DNAH9: variants seen among roughly 807,000 people sequenced by gnomAD.
The protein encoded by DNAH9 is DNAH9 variant protein.
Under a neutral mutation model 471.6 loss-of-function variants are expected in DNAH9, and 345 were observed. That is an observed-to-expected ratio of 0.73 (90% CI 0.67 to 0.80). The LOEUF (loss-of-function observed/expected upper bound fraction) is 0.80. Ranked by LOEUF, DNAH9 falls within the 30% of genes least tolerant of loss-of-function variation. The pLI, the probability that DNAH9 is intolerant of heterozygous loss-of-function variation, is 0.00. For missense variants in DNAH9, 5,407 were observed against 5,609.2 expected, an observed-to-expected ratio of 0.96 and a Z score of 1.15; for synonymous variants, 2,093 against 2,123.6, an observed-to-expected ratio of 0.99 and a Z score of 0.40.
At chr17:11,876,742 C>T (rs1362568367) in intron 53 of DNAH9, among the ~76,000 whole-genome samples, 14 of 152,142 alleles carry the variant, frequency 9.2e-5, no homozygotes, top group Admixed American at 4.6e-4. Flanking sequence ...TTTTTTGAGA[C>T]GGAGTCTCAC....
At chr17:11,692,588 T>C (rs1165891728) in intron 20 of DNAH9, among the ~76,000 whole-genome samples, 1 of 152,182 alleles carries the variant, frequency 6.6e-6, no homozygotes, top group African/African-American at 2.4e-5. Context: ...TCAAGTGTTG[T>C]ATACCTGGGG....
intron 12 of DNAH9, among the ~76,000 whole-genome samples, chr17:11,648,212 C>G (rs1377930884): frequency 1.3e-5 from 2 of 152,182 alleles, no homozygotes; most frequent in Non-Finnish European, 2.9e-5. Context: ...ATAGATTGAG[C>G]TGAAAACCAA....
intron 39 of DNAH9, among the ~76,000 whole-genome samples, chr17:11,782,475 T>G (rs1209767548): frequency 2.0e-5 from 3 of 152,182 alleles, no homozygotes; most frequent in African/African-American, 7.2e-5. Context: ...CGTGTCCCCA[T>G]GCATCTCTCC....
At chr17:11,758,255 T>C (rs1597602126) in intron 35 of DNAH9, among the ~76,000 whole-genome samples, 1 of 152,340 alleles carries the variant, frequency 6.6e-6, no homozygotes, top group Non-Finnish European at 1.5e-5. Context: ...TGACCACTTA[T>C]CACTAAGCAA....
chr17:11,680,843 G>A lies in DNAH9; in HGVS notation c.3697G>A (p.Glu1233Lys), dbSNP rs1202290279. The part of the protein sequence containing the change: ...LRQRCTAFDA[E>K]QQQFWEQFHK... ...CCAGAGGTGCACAGCCTTCGATGCA[G>A]AACAGCAGCAATTCTGGGAGCAATT... Residue 1233 changes from glutamate to lysine, a missense_variant, in exon 19 of 69, where the codon GAA (glutamate) becomes AAA (lysine). This residue lies in a region of DNAH9 where 4,636 missense variants were observed against 4,900.3 expected (regional missense o/e 0.95). Transcript: ENST00000262442. 1.2e-6 allele frequency: 2 copies of A among 1,613,532 alleles called. No homozygotes were observed. Among genetic ancestry groups the A allele is most frequent in the South Asian group, 1.1e-5 (1 of 90,930 alleles).
At chr17:11,685,238 G>A (rs573314210) in intron 19 of DNAH9, among the ~76,000 whole-genome samples, 13 of 152,224 alleles carry the variant, frequency 8.5e-5, no homozygotes, top group African/African-American at 2.6e-4. Context: ...GCAAGTAAGA[G>A]CTGTTTCAGG....
At chr17:11,936,441 G>A (rs907940228) in intron 65 of DNAH9, among the ~76,000 whole-genome samples, 25 of 152,098 alleles carry the variant, frequency 1.6e-4, no homozygotes, top group African/African-American at 4.6e-4. Context: ...ACCAGCCCAG[G>A]CAACATAGTG....
rs1016888015 is a variant in DNAH9 at position 11,610,219 on chromosome 17, C to T, written c.615-177C>T. Among the ~76,000 whole-genome samples, 4 of 151,972 alleles carry T rather than the reference C, an allele frequency of 2.6e-5. No homozygotes were observed. In the South Asian group the frequency reaches 8.3e-4, roughly 32 times the overall value. On this transcript the variant is annotated intron_variant, in intron 2 of 68. Coordinates refer to ENST00000262442, the MANE Select transcript of DNAH9 (RefSeq NM_001372.4). ...TTCTGGAGAGAGGATCTATAATTTTCGTTGACTAGTCAACAGAGACTGTTA... is the reference window on the plus strand; with the variant it reads ...TTCTGGAGAGAGGATCTATAATTTTTGTTGACTAGTCAACAGAGACTGTTA...
intron 19 of DNAH9, among the ~76,000 whole-genome samples, chr17:11,685,737 G>C (rs532196739): frequency 6.6e-6 from 1 of 151,956 alleles, no homozygotes; most frequent in South Asian, 2.1e-4. Flanking sequence ...TTATCCCACT[G>C]TTCACTGAGG....
At chr17:11,854,478 C>G (rs1406813015) in intron 50 of DNAH9, 50 bp downstream of exon 50, 1 of 1,546,112 alleles carries the variant, frequency 6.5e-7, no homozygotes, top group East Asian at 2.3e-5. Flanking sequence ...CCAATACAAA[C>G]AACGCTCTTC....
At chr17:11,739,282 C>T (rs2075398026) in intron 29 of DNAH9, among the ~76,000 whole-genome samples, 2 of 152,120 alleles carry the variant, frequency 1.3e-5, no homozygotes, top group South Asian at 4.1e-4. Context: ...TACATAGTTT[C>T]GTGTTGTTTT....
intron 10 of DNAH9, among the ~76,000 whole-genome samples, chr17:11,640,679 C>T (rs2073254425): frequency 6.6e-6 from 1 of 152,146 alleles, no homozygotes; most frequent in Admixed American, 6.5e-5. Context: ...TGGAGTTCTT[C>T]CACACGTCTC....
At chr17:11,877,989 C>G (rs1460346218) in intron 53 of DNAH9, among the ~76,000 whole-genome samples, 1 of 152,182 alleles carries the variant, frequency 6.6e-6, no homozygotes, top group Non-Finnish European at 1.5e-5. Context: ...CTGCCTCAGC[C>G]TTCCAAAGTG....
Position 11,617,569 on chromosome 17 carries a change from C to G in DNAH9, c.1063C>G (p.Pro355Ala). The G allele has an allele frequency of 1.2e-6, 2 of 1,614,156 alleles. No homozygotes were observed. The highest frequency in any genetic ancestry group is 1.7e-6 in the Non-Finnish European group (2 of 1,180,028). ...GGCCACATGCAAGTCCTACCGCTCCCCGGGAAGGCTGACTGTGCTGCTCCA... is the reference window on the plus strand; with the variant it reads ...GGCCACATGCAAGTCCTACCGCTCCGCGGGAAGGCTGACTGTGCTGCTCCA... ...IWATCKSYRS[P>A]GRLTVLLQEI... The change falls in exon 5 of 69, where the codon CCG becomes GCG. Residue 355 changes from proline (P) to alanine (A), a missense_variant. Transcript: ENST00000262442.
chr17:11,956,732 TAAAATA>T (rs138084381), intron 67 of DNAH9, among the ~76,000 whole-genome samples: 2,088 of 151,642 alleles, frequency 0.014, 37 homozygotes, highest in East Asian at 0.043. Flanking sequence ...CTATATTGAA[TAAAATA>T]AAAATAAAAA....
chr17:11,653,052 T>C, intron 14 of DNAH9, 50 bp downstream of exon 14: 1 of 1,590,560 alleles, frequency 6.3e-7, no homozygotes, highest in Non-Finnish European at 8.6e-7. Context: ...AGGGAAAGCA[T>C]CAAAAAGTGT....
intron 22 of DNAH9, among the ~76,000 whole-genome samples, chr17:11,699,486 C>T (rs2074553424): frequency 6.6e-6 from 1 of 152,204 alleles, no homozygotes; most frequent in Non-Finnish European, 1.5e-5. Flanking sequence ...ACCATTGTGA[C>T]TTAGTTGGTT....
chr17:11,630,742 C>T (rs117113239), intron 7 of DNAH9, among the ~76,000 whole-genome samples: 373 of 152,190 alleles, frequency 2.5e-3, no homozygotes, highest in East Asian at 4.6e-3. Flanking sequence ...AACTGTATTG[C>T]GTACTTGAAA....
rs1379389750 is a variant in DNAH9, at chr17:11,822,781, T to C, written c.9013-20T>C. 1 of 1,612,936 alleles carries C rather than the reference T, an allele frequency of 6.2e-7. No individual in the cohort carries two copies. The highest frequency in any genetic ancestry group is 8.5e-7 in the Non-Finnish European group (1 of 1,179,120). ...CTTCAACACAAGATAATCTTTTCAT[T>C]TCTTGCTCTTTGGTTTTAGCCCACA... On this transcript the variant is annotated intron_variant, in intron 47 of 68. Transcript: ENST00000262442.
Sources: gnomAD v4.1 joint callset for allele counts (sites outside exome capture counted in the v4.1 genomes callset) on GRCh38, gnomAD v4.1.1 for gene constraint, gnomAD v4.1.1 regional missense constraint, MANE v1.5 for transcripts, NCBI Gene and HGNC (gene_info 2026-07-23, HGNC 2026-07-21) for gene names.